TMEM45B: variants seen among roughly 807,000 people sequenced by gnomAD.
TMEM45B encodes the protein transmembrane protein 45B.
TMEM45B carries 29 observed loss-of-function variants against 27.3 expected under a neutral mutation model. The observed-to-expected ratio is 1.06, with a 90% CI of 0.79 to 1.45. TMEM45B has a LOEUF of 1.45. Ranked by LOEUF, TMEM45B falls within the 40% of genes most tolerant of loss-of-function variation. TMEM45B has a pLI of 0.00. For missense variants in TMEM45B, 348 were observed against 343.9 expected, an observed-to-expected ratio of 1.01 and a Z score of -0.09; for synonymous variants, 143 against 134.7, an observed-to-expected ratio of 1.06 and a Z score of -0.43.
chr11:129,828,752 T>A (rs540514124), intron 1 of TMEM45B, among the ~76,000 whole-genome samples: 1 of 152,298 alleles, frequency 6.6e-6, no homozygotes, highest in Admixed American at 6.5e-5. Context: ...TATTCTATGA[T>A]CACCCTATAA....
intron 1 of TMEM45B, among the ~76,000 whole-genome samples, chr11:129,849,239 A>G (rs566298941): frequency 7.9e-5 from 12 of 152,324 alleles, no homozygotes; most frequent in African/African-American, 2.9e-4. Context: ...TGTGAATTCA[A>G]ATGAGTTGCG....
intron 1 of TMEM45B, among the ~76,000 whole-genome samples, chr11:129,836,901 G>T (rs1315081792): frequency 6.6e-6 from 1 of 152,174 alleles, no homozygotes; most frequent in African/African-American, 2.4e-5. Flanking sequence ...CGTGCCAACA[G>T]AAAGGGCCAG....
chr11:129,844,365 A>C (rs1332936968), intron 1 of TMEM45B, among the ~76,000 whole-genome samples: 3 of 152,168 alleles, frequency 2.0e-5, no homozygotes, highest in African/African-American at 7.2e-5. Flanking sequence ...TTGGAGACCT[A>C]ATGTACAGGA....
chr11:129,841,716 C>G (rs986631870), intron 1 of TMEM45B, among the ~76,000 whole-genome samples: 23 of 151,346 alleles, frequency 1.5e-4, no homozygotes, highest in African/African-American at 5.6e-4. Context: ...CCTGCCTCAG[C>G]CTCCCAAGTT....
rs1169621580 is a variant in TMEM45B at position 129,852,537 on chromosome 11, C to A, written c.55C>A (p.Leu19Met). ...LPGSFFLIIG[L>M]CWSVKYPLKY... The stretch of plus-strand genomic sequence containing the variant: ...AGGGAGTTTCTTCCTGATCATTGGG[C>A]TGTGTTGGTCAGTGAAGTACCCGCT... The change falls in exon 2 of 6, where the codon CTG (leucine) becomes ATG (methionine). Residue 19 changes from leucine to methionine, a missense_variant. Transcript: ENST00000281441. The A allele has an allele frequency of 6.2e-7, 1 of 1,613,080 alleles. No homozygotes were observed. Among genetic ancestry groups the A allele is most frequent in the African/African-American group, 1.3e-5 (1 of 74,880 alleles).
chr11:129,852,665 G>C lies in TMEM45B; in HGVS notation c.178+5G>C. Reference sequence around the variant, plus strand: ...GGACTTTGTTTTCCGTCACTGGTAAGAGCAGGGGTCATTTGGTCTAGGGAA... The same window carrying C: ...GGACTTTGTTTTCCGTCACTGGTAACAGCAGGGGTCATTTGGTCTAGGGAA... On this transcript the variant is annotated splice_donor_5th_base_variant and intron_variant, in intron 2 of 5. Transcript: ENST00000281441. 1 of 1,595,144 alleles carries C rather than the reference G, an allele frequency of 6.3e-7. No individual in the cohort carries two copies. The highest frequency in any genetic ancestry group is 8.6e-7 in the Non-Finnish European group (1 of 1,164,630).
At chr11:129,855,137 G>A (rs746371791) in intron 3 of TMEM45B, among the ~76,000 whole-genome samples, 27 of 152,136 alleles carry the variant, frequency 1.8e-4, no homozygotes, top group Non-Finnish European at 3.7e-4. Context: ...CGGTGTGGAC[G>A]TATGTGCGCA....
At chr11:129,820,754 G>A (rs1947409056) in intron 1 of TMEM45B, among the ~76,000 whole-genome samples, 2 of 152,138 alleles carry the variant, frequency 1.3e-5, no homozygotes. Context: ...TTAATTATCT[G>A]CTTTGGTCAA....
chr11:129,827,468 G>A (rs1395825896), intron 1 of TMEM45B, among the ~76,000 whole-genome samples: 1 of 152,182 alleles, frequency 6.6e-6, no homozygotes, highest in Non-Finnish European at 1.5e-5. Flanking sequence ...TAGCACAGTG[G>A]TAAGTATGTG....
At chr11:129,826,956 A>C (rs1389401885) in intron 1 of TMEM45B, 1 of 152,028 alleles carries the variant, frequency 6.6e-6, no homozygotes, top group East Asian at 1.9e-4. Context: ...CGACCTCCCA[A>C]AGTGTTGGGA....
intron 1 of TMEM45B, among the ~76,000 whole-genome samples, chr11:129,830,060 G>A (rs945003514): frequency 6.6e-6 from 1 of 152,252 alleles, no homozygotes; most frequent in African/African-American, 2.4e-5. Flanking sequence ...GTCAGGTGCA[G>A]TGGTTCACAC....
chr11:129,819,520 C>T, intron 1 of TMEM45B, among the ~76,000 whole-genome samples: 1 of 147,136 alleles, frequency 6.8e-6, no homozygotes, highest in East Asian at 1.9e-4. Flanking sequence ...CTTGTCTTGT[C>T]TTTTCTTTTC....
intron 5 of TMEM45B, 77 bp from the exon 6 acceptor site, chr11:129,858,497 A>G: frequency 2.2e-6 from 2 of 924,834 alleles, no homozygotes; most frequent in Non-Finnish European, 3.3e-6. Context: ...TTTAAGAATC[A>G]GTAGATGCCT....
At chr11:129,834,276 C>T (rs573998495) in intron 1 of TMEM45B, among the ~76,000 whole-genome samples, 43 of 151,468 alleles carry the variant, frequency 2.8e-4, no homozygotes, top group Middle Eastern at 6.8e-3. Context: ...ACTAAAAATA[C>T]AAAAATTATC....
At chr11:129,856,285 G>A (rs547433615) in intron 4 of TMEM45B, among the ~76,000 whole-genome samples, 72 of 151,164 alleles carry the variant, frequency 4.8e-4, no homozygotes, top group Non-Finnish European at 8.0e-4. Flanking sequence ...AATCTTGGCT[G>A]ACTGCAACCT....
Position 129,845,337 on chromosome 11 carries a change from ATGTG to A in TMEM45B, c.-8-7110_-8-7107del, listed in dbSNP as rs10628378. Among the ~76,000 whole-genome samples, 146 of 121,490 alleles carry A rather than the reference ATGTG, an allele frequency of 1.2e-3. 1 individual carries two copies. The highest frequency in any genetic ancestry group is 6.7e-3 in the East Asian group (29 of 4,354). The allele number at this position is 121,490 out of a possible 152,430, so 79.7% of individuals were successfully genotyped here. On this transcript the variant is annotated intron_variant, in intron 1 of 5. Coordinates refer to ENST00000281441, the MANE Select transcript of TMEM45B (RefSeq NM_138788.5). ...GGGGTAGGAAATAGAGCTATTATAG[ATGTG>A]TGTGTGTGTGTGTGTGTGTGTGTGT... is the stretch of plus-strand genomic sequence containing the variant.
chr11:129,816,024 G>C lies in TMEM45B; in HGVS notation c.-9+126G>C. The C allele has an allele frequency of 2.5e-6, 3 of 1,223,418 alleles. No individual in the cohort carries two copies. In the East Asian group the frequency reaches 9.5e-5, roughly 39 times the overall value. 75.8% of individuals were successfully genotyped at this position (1,223,418 alleles called of 1,614,324 possible). A position where few individuals can be genotyped will look rare whatever the true frequency, so the allele number is the denominator to read the frequency against. ...ACTCGCAGGGGACCTGCGGGGGAGG[G>C]GACGCGGACAGGGAGGGGCTCTGGG... On this transcript the variant is annotated intron_variant, in intron 1 of 5. Coordinates refer to ENST00000281441, the MANE Select transcript of TMEM45B (RefSeq NM_138788.5).
chr11:129,838,971 T>A (rs953267115), intron 1 of TMEM45B, among the ~76,000 whole-genome samples: 2 of 152,190 alleles, frequency 1.3e-5, no homozygotes, highest in African/African-American at 4.8e-5. Context: ...AACCATAATT[T>A]CTCCTTTCCT....
intron 1 of TMEM45B, among the ~76,000 whole-genome samples, chr11:129,823,968 C>G (rs1326870757): frequency 2.0e-5 from 3 of 152,144 alleles, no homozygotes; most frequent in Non-Finnish European, 4.4e-5. Context: ...GGTCATTTTT[C>G]TGCCTCCTCC....
Sources: gnomAD v4.1 joint callset for allele counts (sites outside exome capture counted in the v4.1 genomes callset) on GRCh38, gnomAD v4.1.1 for gene constraint, MANE v1.5 for transcripts, NCBI Gene and HGNC (gene_info 2026-07-23, HGNC 2026-07-21) for gene names.